The following ANK2 variants were observed in gnomAD, a reference collection of about 807,000 sequenced individuals.
The protein encoded by ANK2 is ankyrin-2.
ANK2 carries 83 observed loss-of-function variants against 360.5 expected under a neutral mutation model. That is an observed-to-expected ratio of 0.23 (90% CI 0.19 to 0.28). The LOEUF is 0.28. Among genes scored for constraint, ANK2 ranks in the 10% least tolerant of loss-of-function variants. The pLI is 1.00. For synonymous variants in ANK2, 1,740 were observed against 1,759.5 expected (o/e 0.99, Z 0.28); for missense variants, 4,201 against 4,795.7 (o/e 0.88, Z 3.66).
chr4:113,268,634 G>C (rs967413459), intron 14 of ANK2, among the ~76,000 whole-genome samples: 2 of 152,172 alleles, frequency 1.3e-5, no homozygotes, highest in Non-Finnish European at 2.9e-5. Context: ...TTGATGTGCT[G>C]CTGGATTCAG....
chr4:113,341,046 A>G (rs1270130952), intron 32 of ANK2, among the ~76,000 whole-genome samples: 1 of 152,222 alleles, frequency 6.6e-6, no homozygotes, highest in African/African-American at 2.4e-5. Flanking sequence ...ATTGCCAGTC[A>G]ATGTCACAGA....
chr4:112,861,784 A>T (rs1331344668), intron 1 of ANK2, among the ~76,000 whole-genome samples: 1 of 151,836 alleles, frequency 6.6e-6, no homozygotes, highest in Non-Finnish European at 1.5e-5. Flanking sequence ...AATTGCACTA[A>T]TTCTTCTTTG....
intron 2 of ANK2, among the ~76,000 whole-genome samples, chr4:112,911,209 T>TAG (rs2087187411): frequency 2.0e-5 from 3 of 148,250 alleles, no homozygotes; most frequent in Non-Finnish European, 4.5e-5. Context: ...TTTTTTTTTT[T>TAG]AGAGATGGTA....
chr4:113,355,952 A>T lies in ANK2; in HGVS notation c.7334A>T (p.Asp2445Val). The T allele has an allele frequency of 6.2e-7, 1 of 1,614,122 alleles. No homozygotes were observed. Among genetic ancestry groups the T allele is most frequent in the Non-Finnish European group, 8.5e-7 (1 of 1,179,992 alleles). The part of the protein sequence containing the change: ...DSLEASPVLE[D>V]NSSHKTPDSL... Reference sequence around the variant, plus strand: ...CTGGAAGCCAGCCCTGTGCTAGAAGATAACTCTTCACACAAAACCCCTGAT... The same window carrying T: ...CTGGAAGCCAGCCCTGTGCTAGAAGTTAACTCTTCACACAAAACCCCTGAT... The change falls in exon 38 of 46, where the codon GAT (aspartate) becomes GTT (valine). Residue 2445 changes from aspartate (D) to valine (V), a missense_variant. Transcript: ENST00000357077.
chr4:113,133,554 AC>A (rs1185867660), intron 1 of ANK2, among the ~76,000 whole-genome samples: 1 of 152,146 alleles, frequency 6.6e-6, no homozygotes, highest in African/African-American at 2.4e-5. Context: ...ATGCTATACT[AC>A]CACGTAATGT....
chr4:112,971,354 C>T (rs1433218285), intron 2 of ANK2, among the ~76,000 whole-genome samples: 2 of 152,186 alleles, frequency 1.3e-5, no homozygotes, highest in African/African-American at 2.4e-5. Flanking sequence ...GAGTTGTAAA[C>T]AGCCACTAAG....
At chr4:112,773,095 A>G in the ANK2 span, among the ~76,000 whole-genome samples, 1 of 152,176 alleles carries the variant, frequency 6.6e-6, no homozygotes, top group Admixed American at 6.5e-5. Context: ...AGGTGGGCAG[A>G]TCACTTGAGC....
chr4:112,726,514 G>A, the ANK2 span, among the ~76,000 whole-genome samples: 1 of 151,324 alleles, frequency 6.6e-6, no homozygotes, highest in Non-Finnish European at 1.5e-5. Context: ...ATTTTTCTAA[G>A]GGAATAGATT....
chr4:113,074,773 G>A (rs959836147), intron 1 of ANK2, among the ~76,000 whole-genome samples: 2 of 152,172 alleles, frequency 1.3e-5, no homozygotes, highest in Non-Finnish European at 2.9e-5. Context: ...AAGGCTAGGA[G>A]AAAAGGAGTA....
chr4:112,813,333 C>T (rs530390515), upstream of ANK2, among the ~76,000 whole-genome samples: 1 of 149,660 alleles, frequency 6.7e-6, no homozygotes, highest in Admixed American at 6.7e-5. Context: ...GACAATAAAA[C>T]ACTTCAACAT....
chr4:112,744,376 T>TC, the ANK2 span, among the ~76,000 whole-genome samples: 1 of 150,432 alleles, frequency 6.6e-6, no homozygotes, highest in Non-Finnish European at 1.5e-5. Flanking sequence ...AGATGGGGTC[T>TC]TGCTCTGTTG....
At chr4:112,951,200 A>C (rs2094961411) in intron 2 of ANK2, among the ~76,000 whole-genome samples, 1 of 152,184 alleles carries the variant, frequency 6.6e-6, no homozygotes, top group South Asian at 2.1e-4. Flanking sequence ...TGTGTAACAA[A>C]GTATTGTTTA....
chr4:113,288,281 C>G, intron 19 of ANK2, 107 bp from the exon 20 acceptor site: 2 of 932,268 alleles, frequency 2.1e-6, no homozygotes, highest in Non-Finnish European at 3.3e-6. Context: ...CAAATGGAAT[C>G]CTATAATAAC....
rs529971738 is a variant in ANK2 at position 113,187,673 on chromosome 4, A to G, written c.187-8695A>G. On this transcript the variant is annotated intron_variant, in intron 2 of 45. Coordinates refer to ENST00000357077, the MANE Select transcript of ANK2 (RefSeq NM_001148.6). ...ATTAAACTTACCAGGGAGAGACACTATCACTGACTTACATGAACCTATTTC... is the reference window on the plus strand; with the variant it reads ...ATTAAACTTACCAGGGAGAGACACTGTCACTGACTTACATGAACCTATTTC... 5.3e-4 allele frequency among the ~76,000 whole-genome samples: 80 copies of G among 152,360 alleles called. 1 individual carries two copies. The highest frequency in any genetic ancestry group is 1.7e-3 in the African/African-American group (71 of 41,586).
At chr4:112,882,126 TTTAGGAC>T in intron 1 of ANK2, 1 of 285,688 alleles carries the variant, frequency 3.5e-6, no homozygotes, top group Non-Finnish European at 6.7e-6. Flanking sequence ...GTTCCGGCTC[TTTAGGAC>T]AGGACGGCCC....
In ANK2 at chr4:112,845,037, C is replaced by T. The variant is rs187616917; in HGVS notation, c.-40+26773C>T. ...CTTGGTTTATATGATAGTATCCCCA[C>T]TGTGACGACGTAACTTAAATAAGAA... On this transcript the variant is annotated intron_variant, in intron 1 of 30. Coordinates refer to the ANK2 transcript ENST00000503271. 6.5e-3 allele frequency among the ~76,000 whole-genome samples: 987 copies of T among 152,034 alleles called. 10 individuals are homozygous for T. The highest frequency in any genetic ancestry group is 0.022 in the African/African-American group (915 of 41,292).
At chr4:113,079,095 A>G (rs1380040629) in intron 1 of ANK2, among the ~76,000 whole-genome samples, 1 of 152,164 alleles carries the variant, frequency 6.6e-6, no homozygotes, top group Non-Finnish European at 1.5e-5. Flanking sequence ...TAAGGGTCCT[A>G]CCTCCTACCT....
chr4:113,270,226 A>G (rs1379514262), intron 14 of ANK2, among the ~76,000 whole-genome samples: 1 of 152,186 alleles, frequency 6.6e-6, no homozygotes, highest in Admixed American at 6.5e-5. Context: ...TTCTGTCTTA[A>G]AGTAAAACCC....
chr4:113,154,000 G>A (rs973227760), intron 1 of ANK2, among the ~76,000 whole-genome samples: 4 of 152,134 alleles, frequency 2.6e-5, no homozygotes, highest in African/African-American at 9.7e-5. Context: ...CATAAAAGTA[G>A]AAGAAACCCT....
Sources: gnomAD v4.1 joint callset for allele counts (sites outside exome capture counted in the v4.1 genomes callset) on GRCh38, gnomAD v4.1.1 for gene constraint, MANE v1.5 for transcripts, NCBI Gene and HGNC (gene_info 2026-07-23, HGNC 2026-07-21) for gene names.